Variants in RBFOX1 observed in about 807,000 individuals in gnomAD.
RBFOX1 encodes RNA binding fox-1 homolog 1, also known as RNA binding protein fox-1 homolog 1.
A neutral mutation model predicts 57.7 loss-of-function variants in RBFOX1; 8 were observed. The ratio of observed to expected loss-of-function variants is 0.14; its 90% CI spans 0.08 to 0.25. RBFOX1 has a LOEUF of 0.25. Among genes scored for constraint, RBFOX1 ranks in the 10% least tolerant of loss-of-function variants. RBFOX1 has a pLI of 1.00. For synonymous variants in RBFOX1, 326 were observed against 222.4 expected (o/e 1.47, Z -4.15); for missense variants, 611 against 548.5 (o/e 1.11, Z -1.14).
chr16:5,834,637 T>C (rs942209333), intron 3 of RBFOX1, among the ~76,000 whole-genome samples: 1 of 150,164 alleles, frequency 6.7e-6, no homozygotes, highest in African/African-American at 2.5e-5. Context: ...CTGATTTGTT[T>C]TCTGTTGGGT....
At chr16:6,671,169 T>C (rs1002295036) in intron 3 of RBFOX1, among the ~76,000 whole-genome samples, 30 of 152,316 alleles carry the variant, frequency 2.0e-4, no homozygotes, top group African/African-American at 7.2e-4. Context: ...AAAGGACACC[T>C]GGACTGAGCC....
chr16:6,082,535 T>C (rs951406330), intron 1 of RBFOX1, among the ~76,000 whole-genome samples: 42 of 151,738 alleles, frequency 2.8e-4, no homozygotes, highest in African/African-American at 9.7e-4. Context: ...CAAAGATGCT[T>C]GTCTTTTCCC....
intron 1 of RBFOX1, among the ~76,000 whole-genome samples, chr16:6,310,102 G>A (rs2080060675): frequency 6.6e-6 from 1 of 152,128 alleles, no homozygotes; most frequent in African/African-American, 2.4e-5. Flanking sequence ...TGGTCAGGCT[G>A]GTCTCGAACT....
chr16:5,458,236 C>G (rs1567541503), intron 1 of RBFOX1, among the ~76,000 whole-genome samples: 1 of 152,208 alleles, frequency 6.6e-6, no homozygotes, highest in Non-Finnish European at 1.5e-5. Flanking sequence ...ATTATGATGG[C>G]TTTAGCACTG....
intron 4 of RBFOX1, among the ~76,000 whole-genome samples, chr16:7,092,974 G>T (rs1477527849): frequency 2.6e-5 from 4 of 152,174 alleles, no homozygotes. Context: ...GTAGGAACTT[G>T]TGCTGGAAAT....
chr16:5,595,022 T>G (rs921305922), intron 2 of RBFOX1, among the ~76,000 whole-genome samples: 5 of 144,016 alleles, frequency 3.5e-5, no homozygotes, highest in African/African-American at 1.0e-4. Flanking sequence ...GGTGGGCACC[T>G]CCAATCCCAG....
intron 5 of RBFOX1, among the ~76,000 whole-genome samples, chr16:7,537,377 C>G (rs1013784045): frequency 1.3e-5 from 2 of 152,124 alleles, no homozygotes; most frequent in Non-Finnish European, 2.9e-5. Flanking sequence ...TGAGAGTGAC[C>G]ATTGAGGATG....
At chr16:6,369,340 A>G (rs923352458) in intron 2 of RBFOX1, among the ~76,000 whole-genome samples, 2 of 152,204 alleles carry the variant, frequency 1.3e-5, no homozygotes, top group Admixed American at 1.3e-4. Context: ...TGGGTCGGAT[A>G]GTGTAAAGAT....
chr16:6,431,753 A>C (rs1000388128), intron 2 of RBFOX1, among the ~76,000 whole-genome samples: 1 of 152,100 alleles, frequency 6.6e-6, no homozygotes, highest in African/African-American at 2.4e-5. Flanking sequence ...CTACTTTACC[A>C]GCTTTGTGAC....
intron 2 of RBFOX1, among the ~76,000 whole-genome samples, chr16:6,646,840 A>C (rs1195275268): frequency 6.6e-6 from 1 of 151,956 alleles, no homozygotes; most frequent in Non-Finnish European, 1.5e-5. Context: ...GTTTTTCCTG[A>C]CTCAGTGTCC....
At chr16:6,668,409 T>A (rs972261310) in intron 3 of RBFOX1, among the ~76,000 whole-genome samples, 2 of 152,200 alleles carry the variant, frequency 1.3e-5, no homozygotes, top group African/African-American at 4.8e-5. Flanking sequence ...CAAAGCCACG[T>A]GTTGTGTGTT....
chr16:5,739,013 C>T (rs2052681277), intron 3 of RBFOX1, among the ~76,000 whole-genome samples: 1 of 152,198 alleles, frequency 6.6e-6, no homozygotes, highest in Admixed American at 6.5e-5. Flanking sequence ...CAAGGCCTTG[C>T]CTGAATCTCA....
chr16:7,593,929 T>C (rs1288567714), intron 7 of RBFOX1, among the ~76,000 whole-genome samples: 1 of 152,194 alleles, frequency 6.6e-6, no homozygotes, highest in African/African-American at 2.4e-5. Flanking sequence ...GATGAGCCTA[T>C]TCCGACTGTT....
At chr16:5,630,274 T>C (rs2048465412) in intron 3 of RBFOX1, among the ~76,000 whole-genome samples, 1 of 152,060 alleles carries the variant, frequency 6.6e-6, no homozygotes, top group Non-Finnish European at 1.5e-5. Flanking sequence ...CTGGGCAACA[T>C]GGTGAAACCC....
At chr16:7,662,747 T>C (rs2068089551) in intron 12 of RBFOX1, among the ~76,000 whole-genome samples, 1 of 152,218 alleles carries the variant, frequency 6.6e-6, no homozygotes. Flanking sequence ...GGTGACCTCG[T>C]TAGAGCTACA....
At chr16:6,184,410 G>C (rs1441386481) in intron 1 of RBFOX1, among the ~76,000 whole-genome samples, 2 of 152,194 alleles carry the variant, frequency 1.3e-5, no homozygotes, top group Non-Finnish European at 1.5e-5. Context: ...GTGAGAAGTC[G>C]TGGTAAATGG....
chr16:7,501,244 C>T (rs1417624826), intron 4 of RBFOX1, among the ~76,000 whole-genome samples: 1 of 152,200 alleles, frequency 6.6e-6, no homozygotes, highest in Non-Finnish European at 1.5e-5. Context: ...CTTATTTCTT[C>T]TATTTCAAGC....
intron 1 of RBFOX1, among the ~76,000 whole-genome samples, chr16:6,277,562 A>G (rs2075952588): frequency 1.3e-5 from 2 of 149,826 alleles, no homozygotes; most frequent in South Asian, 2.1e-4. Context: ...GCTTGAGCCC[A>G]GGAGTTGGAG....
At chr16:7,171,544 T>G (rs1054836534) in intron 4 of RBFOX1, among the ~76,000 whole-genome samples, 1 of 152,222 alleles carries the variant, frequency 6.6e-6, no homozygotes, top group Admixed American at 6.5e-5. Context: ...GGGGTAAAAC[T>G]GTGGCCAAGA....
Sources: allele counts gnomAD v4.1 joint callset (sites outside exome capture counted in the v4.1 genomes callset), GRCh38; gene constraint gnomAD v4.1.1; transcripts MANE v1.5; gene names NCBI Gene and HGNC (gene_info 2026-07-23, HGNC 2026-07-21).